POU2F2: variants seen among roughly 807,000 people sequenced by gnomAD.
POU2F2 encodes POU class 2 homeobox 2, also known as POU domain, class 2, transcription factor 2.
Under a neutral mutation model 63.5 loss-of-function variants are expected in POU2F2, and 14 were observed. That is an observed-to-expected ratio of 0.22 (90% CI 0.15 to 0.34). The LOEUF (loss-of-function observed/expected upper bound fraction) is 0.34. Ranked by LOEUF, POU2F2 falls within the 10% of genes least tolerant of loss-of-function variation. The pLI is 1.00. For synonymous variants in POU2F2, 306 were observed against 348.6 expected, an observed-to-expected ratio of 0.88 and a Z score of 1.36; for missense variants, 607 against 815.2, an observed-to-expected ratio of 0.74 and a Z score of 3.11.
Position 42,089,770 on chromosome 19 carries a change from T to C in POU2F2, c.*1487A>G, listed in dbSNP as rs1020289353. 14 of 150,210 alleles carry C rather than the reference T, an allele frequency of 9.3e-5. No individual in the cohort carries two copies. Among genetic ancestry groups the C allele is most frequent in the African/African-American group, 2.4e-4 (10 of 40,974 alleles). 9.3% of individuals were successfully genotyped at this position (150,210 alleles called of 1,614,324 possible). A position where few individuals can be genotyped will look rare whatever the true frequency, so the allele number is the denominator to read the frequency against. Reference sequence around the variant, plus strand: ...TATAAATTTTTTTTCTAGTTTAAATTTATTGTTTGTTTGTTTCTGTTTTTT... The same window carrying C: ...TATAAATTTTTTTTCTAGTTTAAATCTATTGTTTGTTTGTTTCTGTTTTTT... On this transcript the variant is annotated 3_prime_UTR_variant, in exon 15 of 15. Coordinates refer to ENST00000692977, the MANE Select transcript of POU2F2 (RefSeq NM_001394376.1).
At chr19:42,148,518 G>C (rs186179051) in intron 2 of POU2F2, among the ~76,000 whole-genome samples, 148 of 152,284 alleles carry the variant, frequency 9.7e-4, no homozygotes, top group African/African-American at 3.5e-3. Context: ...GGGGAACTGT[G>C]AAAGCTGCAC....
chr19:42,187,757 A>G (rs1270679406), intron 1 of POU2F2, among the ~76,000 whole-genome samples: 1 of 140,526 alleles, frequency 7.1e-6, no homozygotes, highest in African/African-American at 2.6e-5. Flanking sequence ...GCGAGACTCC[A>G]TCACAAAAAA....
At chr19:42,184,839 C>T (rs1279726659) in intron 1 of POU2F2, among the ~76,000 whole-genome samples, 4 of 152,104 alleles carry the variant, frequency 2.6e-5, no homozygotes, top group Non-Finnish European at 4.4e-5. Context: ...GCTGGTAATC[C>T]CTAAATTTGT....
intron 2 of POU2F2, among the ~76,000 whole-genome samples, chr19:42,141,179 A>G (rs750746168): frequency 1.3e-5 from 2 of 152,172 alleles, no homozygotes; most frequent in Non-Finnish European, 2.9e-5. Context: ...GAGCTCCTTG[A>G]GAAGAGGGCT....
At chr19:42,154,540 G>T (rs1005605802) in intron 2 of POU2F2, among the ~76,000 whole-genome samples, 1 of 151,950 alleles carries the variant, frequency 6.6e-6, no homozygotes, top group African/African-American at 2.4e-5. Flanking sequence ...GAGAGAAGAC[G>T]CAGATAAAGA....
chr19:42,108,190 A>G (rs1253993848), intron 5 of POU2F2, among the ~76,000 whole-genome samples: 2 of 152,222 alleles, frequency 1.3e-5, no homozygotes, highest in Non-Finnish European at 2.9e-5. Flanking sequence ...GTCAGCTCCA[A>G]GAGGGCACAG....
At chr19:42,097,580 T>C (rs1184726742) in intron 7 of POU2F2, among the ~76,000 whole-genome samples, 2 of 150,806 alleles carry the variant, frequency 1.3e-5, no homozygotes, top group East Asian at 3.9e-4. Flanking sequence ...GAAGCCAAAG[T>C]GGGAGGATCG....
At chr19:42,137,651 G>A (rs1054250303) in intron 2 of POU2F2, among the ~76,000 whole-genome samples, 1 of 151,884 alleles carries the variant, frequency 6.6e-6, no homozygotes, top group Non-Finnish European at 1.5e-5. Flanking sequence ...GCTTGAGGTC[G>A]AGGCTGCAGT....
In POU2F2 at chr19:42,090,837, C is replaced by CCCCGG; in HGVS notation, c.*419_*420insCCGGG. 1 of 157,684 alleles carries CCCCGG rather than the reference C, an allele frequency of 6.3e-6. No individual in the cohort carries two copies. Among genetic ancestry groups the CCCCGG allele is most frequent in the South Asian group, 1.9e-4 (1 of 5,224 alleles). The allele number at this position is 157,684 out of a possible 1,614,324, so 9.8% of individuals were successfully genotyped here. Reference sequence around the variant, plus strand: ...GGGGGTTGGTCCCACAGCCAGGGCTCGGTGGCATGAGGTCTGACCTGCTGG... The same window carrying CCCCGG: ...GGGGGTTGGTCCCACAGCCAGGGCTCCCCGGGGTGGCATGAGGTCTGACCTGCTGG... On this transcript the variant is annotated 3_prime_UTR_variant, in exon 15 of 15. Coordinates refer to ENST00000692977, the MANE Select transcript of POU2F2 (RefSeq NM_001394376.1). The surrounding 1 kb of genome is among the most constrained non-coding windows in gnomAD (Gnocchi z 4.4).
At chr19:42,094,127 G>A (rs1460556809) in intron 11 of POU2F2, among the ~76,000 whole-genome samples, 3 of 152,306 alleles carry the variant, frequency 2.0e-5, no homozygotes, top group East Asian at 1.9e-4. Flanking sequence ...TTCTGACACC[G>A]CCCCATCTGG....
upstream of POU2F2, chr19:42,176,064 G>T (rs1356090889): frequency 6.9e-6 from 1 of 144,462 alleles, no homozygotes; most frequent in Non-Finnish European, 1.5e-5. Context: ...ACACCTCCAG[G>T]AAAAGAGAGA....
At chr19:42,129,683 C>T (rs369558208) in intron 1 of POU2F2, among the ~76,000 whole-genome samples, 7 of 152,126 alleles carry the variant, frequency 4.6e-5, no homozygotes, top group East Asian at 1.9e-4. Context: ...TTGGTGCTGC[C>T]GGGAACCTCT....
upstream of POU2F2, among the ~76,000 whole-genome samples, chr19:42,176,782 G>A (rs2034890657): frequency 6.6e-6 from 1 of 151,584 alleles, no homozygotes; most frequent in African/African-American, 2.4e-5. Flanking sequence ...CGGGCGCCGA[G>A]AGGGAGGCGA....
At chr19:42,098,479 C>T (rs982206570) in intron 7 of POU2F2, among the ~76,000 whole-genome samples, 12 of 151,810 alleles carry the variant, frequency 7.9e-5, no homozygotes, top group Non-Finnish European at 8.8e-5. Flanking sequence ...TAATGTGGCC[C>T]GGCCCCCACC....
intron 5 of POU2F2, among the ~76,000 whole-genome samples, chr19:42,105,996 C>CTT (rs1177139816): frequency 7.5e-6 from 1 of 134,150 alleles, no homozygotes; most frequent in African/African-American, 2.7e-5. Context: ...TAGGATCTTT[C>CTT]TTTTTTCTTT....
Position 42,194,441 on chromosome 19 carries a change from GAGGA to G in POU2F2, c.-70+1938_-70+1941del, listed in dbSNP as rs1248447854. On this transcript the variant is annotated intron_variant, in intron 1 of 5. Transcript: ENST00000532176. ...AAATGAAGGAAGAAAGTGAGGGAGA[GAGGA>G]AGGAAGGAAGGGAGGAAGAAAGAAA... is the stretch of plus-strand genomic sequence containing the variant. 2.5e-4 allele frequency among the ~76,000 whole-genome samples: 37 copies of G among 150,104 alleles called. No homozygotes were observed. In the Admixed American group the frequency reaches 2.5e-3, roughly 10 times the overall value.
At chr19:42,138,442 G>C (rs1405920381) in intron 2 of POU2F2, among the ~76,000 whole-genome samples, 2 of 152,136 alleles carry the variant, frequency 1.3e-5, no homozygotes, top group Non-Finnish European at 2.9e-5. Flanking sequence ...TGCCAAGGTT[G>C]AAGACCCCAA....
At chr19:42,161,018 A>G (rs535250215) in intron 1 of POU2F2, among the ~76,000 whole-genome samples, 37 of 152,342 alleles carry the variant, frequency 2.4e-4, no homozygotes, top group Non-Finnish European at 4.7e-4. Flanking sequence ...GGCAGGGGAC[A>G]GAGATGAATT....
intron 5 of POU2F2, among the ~76,000 whole-genome samples, chr19:42,113,467 G>A (rs2031423300): frequency 6.6e-6 from 1 of 152,216 alleles, no homozygotes. Flanking sequence ...GAAGGATCCT[G>A]CCAAACTGTT....
Sources: allele counts gnomAD v4.1 joint callset (sites outside exome capture counted in the v4.1 genomes callset), GRCh38; gene constraint gnomAD v4.1.1; non-coding constraint Gnocchi (gnomAD v3.1); transcripts MANE v1.5; gene names NCBI Gene and HGNC (gene_info 2026-07-23, HGNC 2026-07-21).